The following PRDM16 variants were observed in gnomAD, a reference collection of about 807,000 sequenced individuals.
The protein encoded by PRDM16 is histone-lysine N-methyltransferase PRDM16.
A neutral mutation model predicts 110.6 loss-of-function variants in PRDM16; 23 were observed. The ratio of observed to expected loss-of-function variants is 0.21; its 90% CI spans 0.15 to 0.29. The LOEUF (loss-of-function observed/expected upper bound fraction) is 0.29. PRDM16 is among the 10% of genes least tolerant of loss of function. The pLI is 1.00. For synonymous variants in PRDM16, 799 were observed against 781.8 expected, an observed-to-expected ratio of 1.02 and a Z score of -0.37; for missense variants, 1,615 against 1,794.3, an observed-to-expected ratio of 0.90 and a Z score of 1.81.
At chr1:3,360,332 G>A (rs1350038747) in intron 3 of PRDM16, among the ~76,000 whole-genome samples, 1 of 152,168 alleles carries the variant, frequency 6.6e-6, no homozygotes, top group Non-Finnish European at 1.5e-5. Context: ...GCCTTGCCAG[G>A]ATGGAGCACC....
At chr1:3,186,048 G>A in intron 1 of PRDM16, 77 bp from the exon 2 acceptor site, 1 of 1,278,724 alleles carries the variant, frequency 7.8e-7, no homozygotes, top group Non-Finnish European at 1.1e-6. Context: ...TGATGCCCGA[G>A]TCCCCGGCGC....
At chr1:3,277,067 C>A (rs1030586380) in intron 3 of PRDM16, among the ~76,000 whole-genome samples, 5 of 152,150 alleles carry the variant, frequency 3.3e-5, no homozygotes, top group Admixed American at 6.5e-5. Flanking sequence ...TCCCCCAGGA[C>A]CCCGTTGGCA....
rs141078011 is a variant in PRDM16 at position 3,191,753 on chromosome 1, G to T, written c.387+5279G>T. 6.1e-3 allele frequency among the ~76,000 whole-genome samples: 933 copies of T among 152,310 alleles called. 8 individuals carry two copies. Among genetic ancestry groups the T allele is most frequent in the African/African-American group, 0.021 (886 of 41,558 alleles). On this transcript the variant is annotated intron_variant, in intron 2 of 16. Coordinates refer to ENST00000270722, the MANE Select transcript of PRDM16 (RefSeq NM_022114.4). ...GGTGATAGGATGACGATGGAGTGGG[G>T]TGAGGGCAGCCCAGCCAGGCACCTG...
chr1:3,099,848 G>T (rs546383684), intron 1 of PRDM16, among the ~76,000 whole-genome samples: 4 of 152,240 alleles, frequency 2.6e-5, no homozygotes, highest in Non-Finnish European at 4.4e-5. Context: ...GGGAGTGGGT[G>T]AGATGGCGCC....
intron 3 of PRDM16, among the ~76,000 whole-genome samples, chr1:3,280,968 G>C (rs1640700942): frequency 6.6e-6 from 1 of 152,216 alleles, no homozygotes; most frequent in Non-Finnish European, 1.5e-5. Flanking sequence ...CTGGGAGGCC[G>C]AGTGGCTGCC....
At chr1:3,301,934 G>A (rs1236171505) in intron 3 of PRDM16, among the ~76,000 whole-genome samples, 2 of 152,152 alleles carry the variant, frequency 1.3e-5, no homozygotes, top group Non-Finnish European at 2.9e-5. Flanking sequence ...TTGGTCACCG[G>A]GGGACTGCTG....
chr1:3,310,696 A>G (rs777358767), intron 3 of PRDM16, among the ~76,000 whole-genome samples: 4 of 151,874 alleles, frequency 2.6e-5, no homozygotes, highest in Non-Finnish European at 5.9e-5. Flanking sequence ...TCCTCTGCCA[A>G]CTCTTCATTT....
At chr1:3,108,057 A>G (rs747580546) in intron 1 of PRDM16, among the ~76,000 whole-genome samples, 1 of 152,228 alleles carries the variant, frequency 6.6e-6, no homozygotes, top group Non-Finnish European at 1.5e-5. Context: ...TCTCCAGACA[A>G]ACCTTGAGTT....
chr1:3,262,244 G>A (rs1358490380), intron 3 of PRDM16, among the ~76,000 whole-genome samples: 2 of 152,190 alleles, frequency 1.3e-5, no homozygotes, highest in South Asian at 2.1e-4. Flanking sequence ...ATCCATTAAC[G>A]TGCATTTGTG....
intron 3 of PRDM16, among the ~76,000 whole-genome samples, chr1:3,296,739 A>G (rs1394189341): frequency 6.6e-6 from 1 of 152,186 alleles, no homozygotes; most frequent in Non-Finnish European, 1.5e-5. Flanking sequence ...AGGAGGGCTG[A>G]TTTGTTTTCA....
intron 3 of PRDM16, among the ~76,000 whole-genome samples, chr1:3,297,646 G>A (rs889328796): frequency 6.6e-6 from 1 of 152,130 alleles, no homozygotes; most frequent in African/African-American, 2.4e-5. Context: ...AGCTGGTGGT[G>A]GCAGAAGGGA....
chr1:3,418,800 T>G, intron 12 of PRDM16, 56 bp downstream of exon 12: 7 of 1,320,362 alleles, frequency 5.3e-6, no homozygotes, highest in Non-Finnish European at 7.7e-6. Flanking sequence ...CGTGCACCGC[T>G]GACCCACTCC....
rs1204452379 is a variant in PRDM16, at chr1:3,143,371, C to T, written c.38-42754C>T. On this transcript the variant is annotated intron_variant, in intron 1 of 16. Transcript: ENST00000270722. This position sits in a 1 kb window ranked among gnomAD's most constrained non-coding sequence, Gnocchi z 4.5. Reference sequence around the variant, plus strand: ...GGCTCCAAGCACCAGCCCCTCGCCCCAGTCCCAGCAGGTGGCCTCCCCAAC... The same window carrying T: ...GGCTCCAAGCACCAGCCCCTCGCCCTAGTCCCAGCAGGTGGCCTCCCCAAC... Among the ~76,000 whole-genome samples the T allele has an allele frequency of 6.6e-6, 1 of 152,220 alleles. No homozygotes were observed. The highest frequency in any genetic ancestry group is 2.4e-5 in the African/African-American group (1 of 41,458).
intron 5 of PRDM16, among the ~76,000 whole-genome samples, chr1:3,401,887 A>G (rs1323710910): frequency 1.3e-5 from 2 of 152,090 alleles, no homozygotes; most frequent in Non-Finnish European, 2.9e-5. Flanking sequence ...GCACACAAAT[A>G]TTCACGCATG....
Position 3,249,425 on chromosome 1 carries a change from C to T in PRDM16, c.438+5288C>T, listed in dbSNP as rs188376605. Among the ~76,000 whole-genome samples the T allele has an allele frequency of 6.2e-3, 942 of 152,058 alleles. 3 individuals carry two copies. Among genetic ancestry groups the T allele is most frequent in the Non-Finnish European group, 0.011 (739 of 67,998 alleles). On this transcript the variant is annotated intron_variant, in intron 3 of 16. Coordinates refer to ENST00000270722, the MANE Select transcript of PRDM16 (RefSeq NM_022114.4). The stretch of plus-strand genomic sequence containing the variant: ...TTGGTTTTGCTGAGGCCTGTGCCAG[C>T]GAGGTGAGTGAGGTTCAGACCGCCT...
chr1:3,070,016 C>A (rs1479704792), intron 1 of PRDM16, among the ~76,000 whole-genome samples: 4 of 151,898 alleles, frequency 2.6e-5, no homozygotes, highest in African/African-American at 9.7e-5. Flanking sequence ...GTGGAGGGCG[C>A]TCCTCTGGGA....
chr1:3,408,412 G>C (rs1643596958), intron 8 of PRDM16, among the ~76,000 whole-genome samples: 1 of 152,252 alleles, frequency 6.6e-6, no homozygotes, highest in Non-Finnish European at 1.5e-5. Flanking sequence ...TAATATCTGG[G>C]AATGAGGTGC....
At chr1:3,264,657 G>A (rs1569952757) in intron 3 of PRDM16, among the ~76,000 whole-genome samples, 2 of 148,356 alleles carry the variant, frequency 1.3e-5, no homozygotes, top group African/African-American at 5.0e-5. Flanking sequence ...GAAAGGGGAG[G>A]GGCGTGGAGG....
chr1:3,164,323 G>A (rs1477670024), intron 1 of PRDM16, among the ~76,000 whole-genome samples: 1 of 152,246 alleles, frequency 6.6e-6, no homozygotes, highest in Non-Finnish European at 1.5e-5. Context: ...TAAACTGAAA[G>A]GTTTTGCCTC....
Sources: gnomAD v4.1 joint callset for allele counts (sites outside exome capture counted in the v4.1 genomes callset) on GRCh38, gnomAD v4.1.1 for gene constraint, Gnocchi (gnomAD v3.1) non-coding constraint, MANE v1.5 for transcripts, NCBI Gene and HGNC (gene_info 2026-07-23, HGNC 2026-07-21) for gene names.